EML5: variants seen among roughly 807,000 people sequenced by gnomAD.
EML5 encodes the protein EMAP like 5.
EML5 carries 120 observed loss-of-function variants against 250.0 expected under a neutral mutation model. The ratio of observed to expected loss-of-function variants is 0.48; its 90% confidence interval spans 0.41 to 0.56. The LOEUF (loss-of-function observed/expected upper bound fraction) is 0.56, where lower values mean the gene tolerates loss of function less well. EML5 is among the 20% of genes least tolerant of loss of function. EML5 has a pLI of 0.00. For synonymous variants in EML5, 771 were observed against 806.5 expected, an observed-to-expected ratio of 0.96 and a Z score of 0.75; for missense variants, 2,006 against 2,437.6, an observed-to-expected ratio of 0.82 and a Z score of 3.73.
At chr14:88,746,775 A>T (rs2140304728) in intron 2 of EML5, among the ~76,000 whole-genome samples, 1 of 152,208 alleles carries the variant, frequency 6.6e-6, no homozygotes, top group Admixed American at 6.5e-5. Context: ...TGGGGATTTG[A>T]ATTGCAGACC....
In EML5 at chr14:88,665,386, C is replaced by T. The variant is rs1231957247; in HGVS notation, c.3228G>A (p.Val1076=). The change falls in exon 22 of 44, where the codon GTG becomes GTA. Residue 1076 remains valine (V), a synonymous_variant. Coordinates refer to ENST00000554922, the MANE Select transcript of EML5 (RefSeq NM_183387.3). ...MANADTLEDL[V]SFHHRKDMIS... ...TCATATCTTTTCTGTGATGAAAAGA[C>T]ACAAGATCCTCTAGAGTATCCGCAT... The T allele has an allele frequency of 1.2e-6, 2 of 1,613,818 alleles. No individual in the cohort carries two copies. Among genetic ancestry groups the T allele is most frequent in the African/African-American group, 2.7e-5 (2 of 75,036 alleles).
At chr14:88,746,106 A>G (rs1325642378) in intron 3 of EML5, 79 bp downstream of exon 3, 1 of 1,156,062 alleles carries the variant, frequency 8.7e-7, no homozygotes, top group African/African-American at 1.6e-5. Context: ...AACAAAATAC[A>G]GAAGAATAAA....
intron 17 of EML5, among the ~76,000 whole-genome samples, chr14:88,692,322 A>G (rs2141292924): frequency 6.6e-6 from 1 of 152,236 alleles, no homozygotes; most frequent in East Asian, 1.9e-4. Flanking sequence ...GGTTGTAGTG[A>G]GCCGAGATCA....
intron 21 of EML5, among the ~76,000 whole-genome samples, chr14:88,674,488 G>A (rs750038951): frequency 1.7e-4 from 26 of 152,200 alleles, no homozygotes; most frequent in African/African-American, 5.3e-4. Flanking sequence ...ATCAGATGTC[G>A]TGAGACTCAC....
chr14:88,703,590 G>GA (rs778097212), intron 13 of EML5, among the ~76,000 whole-genome samples: 3 of 152,032 alleles, frequency 2.0e-5, no homozygotes, highest in African/African-American at 7.2e-5. Context: ...TAACACTAGA[G>GA]AAAAAATACT....
In EML5 at chr14:88,792,413, T is replaced by G; in HGVS notation, c.91A>C (p.Thr31Pro). Residue 31 changes from threonine to proline, a missense_variant, in exon 1 of 44, where the codon ACT (threonine) becomes CCT (proline). Coordinates refer to ENST00000554922, the MANE Select transcript of EML5 (RefSeq NM_183387.3). The surrounding 1 kb of genome is among the most constrained non-coding windows in gnomAD (Gnocchi z 6.9). ...AAGTATACGATCTCCTTGGCCGCAG[T>G]GTAGTAGAGGTTGTTGCGGCACTGG... ...GHQCRNNLYY[T>P]AAKEIVYFVA... 1 of 1,559,610 alleles carries G rather than the reference T, an allele frequency of 6.4e-7. No homozygotes were observed. Among genetic ancestry groups the G allele is most frequent in the Non-Finnish European group, 8.7e-7 (1 of 1,154,052 alleles).
rs2093300611 is a variant in EML5, at chr14:88,705,497, G to A, written c.1917C>T (p.Leu639=). The A allele has an allele frequency of 1.9e-6, 3 of 1,600,478 alleles. No homozygotes were observed. The highest frequency in any genetic ancestry group is 2.6e-6 in the Non-Finnish European group (3 of 1,172,604). Residue 639 remains leucine, a synonymous_variant, in exon 12 of 44, where the codon CTC becomes CTT. Transcript: ENST00000554922. ...LDSEIEQETQ[L]TYRRQVYKED... ...GGAAAATTACCTGTCGACGGTAGGT[G>A]AGCTGTGTCTCTTGTTCAATTTCAG...
chr14:88,662,560 T>TTAA lies in EML5; in HGVS notation c.3498+470_3498+471insTTA, dbSNP rs1555430097. On this transcript the variant is annotated intron_variant, in intron 24 of 43. Coordinates refer to ENST00000554922, the MANE Select transcript of EML5 (RefSeq NM_183387.3). ...TTTATTCCTTTTTTTTTTTTTTTTT[T>TTAA]AATACAGGGTCTCACTTTGTCACCC... Among the ~76,000 whole-genome samples, 69 of 144,456 alleles carry TTAA rather than the reference T, an allele frequency of 4.8e-4. 1 individual carries two copies. The highest frequency in any genetic ancestry group is 3.5e-3 in the Middle Eastern group (1 of 282). 94.8% of individuals were successfully genotyped at this position (144,456 alleles called of 152,430 possible). A position where few individuals can be genotyped will look rare whatever the true frequency, so the allele number is the denominator to read the frequency against.
At chr14:88,667,764 CCCCAACTGCCTCTTTCAGCAAGTTTCT>C (rs1382761192) in intron 21 of EML5, among the ~76,000 whole-genome samples, 1 of 152,200 alleles carries the variant, frequency 6.6e-6, no homozygotes, top group African/African-American at 2.4e-5. Flanking sequence ...AGAGTGGCAG[CCCCAACTGCCTCTTTCAGCAAGTTTCT>C]CCACCATCAC....
At chr14:88,675,583 G>T (rs139470180) in intron 21 of EML5, among the ~76,000 whole-genome samples, 1 of 152,182 alleles carries the variant, frequency 6.6e-6, no homozygotes, top group Non-Finnish European at 1.5e-5. Flanking sequence ...AGGGGCTGCC[G>T]TGAAGACTTC....
intron 7 of EML5, among the ~76,000 whole-genome samples, chr14:88,729,063 G>A (rs185673448): frequency 6.7e-6 from 1 of 149,894 alleles, no homozygotes; most frequent in Admixed American, 6.7e-5. Context: ...TTCATCTTTG[G>A]ATTTTTCTAT....
At chr14:88,642,543 T>C (rs2091121442) in intron 31 of EML5, among the ~76,000 whole-genome samples, 1 of 152,006 alleles carries the variant, frequency 6.6e-6, no homozygotes. Flanking sequence ...GAAACCACCA[T>C]CCAAACCATC....
intron 1 of EML5, among the ~76,000 whole-genome samples, chr14:88,778,576 C>A (rs997232105): frequency 2.6e-5 from 4 of 152,208 alleles, no homozygotes; most frequent in African/African-American, 9.7e-5. Context: ...GTCAGGAGAT[C>A]CAGGCCATCC....
intron 1 of EML5, among the ~76,000 whole-genome samples, chr14:88,762,612 A>C (rs139072364): frequency 2.5e-3 from 374 of 152,262 alleles, no homozygotes; most frequent in African/African-American, 7.3e-3. Flanking sequence ...TGAGACACAA[A>C]ATTAACAAGG....
intron 9 of EML5, among the ~76,000 whole-genome samples, chr14:88,714,591 T>TA (rs1156874867): frequency 6.6e-6 from 1 of 152,162 alleles, no homozygotes; most frequent in Non-Finnish European, 1.5e-5. Context: ...AAGTGGCAGA[T>TA]ACATCATTTA....
intron 17 of EML5, among the ~76,000 whole-genome samples, chr14:88,693,042 C>T (rs924381731): frequency 1.3e-5 from 2 of 152,026 alleles, no homozygotes; most frequent in African/African-American, 2.4e-5. Context: ...TTTATAGTTA[C>T]AAATGACTAA....
At chr14:88,627,208 T>C in intron 34 of EML5, 162 bp from the exon 35 acceptor site, 3 of 655,492 alleles carry the variant, frequency 4.6e-6, no homozygotes, top group Middle Eastern at 4.0e-4. Context: ...CAATTATTTG[T>C]GTATTGAGTC....
intron 41 of EML5, 174 bp downstream of exon 41, chr14:88,618,054 A>T (rs972983578): frequency 9.3e-6 from 4 of 429,116 alleles, no homozygotes; most frequent in African/African-American, 8.0e-5. Context: ...TAAAACATGG[A>T]AATATATTCA....
intron 9 of EML5, 52 bp downstream of exon 9, chr14:88,714,887 T>G: frequency 3.3e-6 from 5 of 1,530,066 alleles, no homozygotes; most frequent in Non-Finnish European, 3.5e-6. Context: ...CCAGTAAAAC[T>G]CTAAAATATT....
Sources: allele counts gnomAD v4.1 joint callset (sites outside exome capture counted in the v4.1 genomes callset), GRCh38; gene constraint gnomAD v4.1.1; non-coding constraint Gnocchi (gnomAD v3.1); transcripts MANE v1.5; gene names NCBI Gene and HGNC (gene_info 2026-07-23, HGNC 2026-07-21).